UGP2: variants seen among roughly 807,000 people sequenced by gnomAD.
UGP2 encodes UDP-glucose pyrophosphorylase 2.
A neutral mutation model predicts 49.0 loss-of-function variants in UGP2; 40 were observed. That is an observed-to-expected ratio of 0.82 (90% CI 0.63 to 1.06). UGP2 has a LOEUF of 1.06. Ranked by LOEUF, UGP2 falls within the 50% of genes least tolerant of loss-of-function variation. The pLI, the probability that UGP2 is intolerant of heterozygous loss-of-function variation, is 0.00. For synonymous variants in UGP2, 225 were observed against 213.0 expected (o/e 1.06, Z -0.49); for missense variants, 460 against 603.5 (o/e 0.76, Z 2.49).
intron 3 of UGP2, among the ~76,000 whole-genome samples, chr2:63,881,772 C>T (rs1044570309): frequency 6.6e-6 from 1 of 152,206 alleles, no homozygotes; most frequent in East Asian, 1.9e-4. Flanking sequence ...TCTTCAGCCC[C>T]ACCTCTTGCC....
intron 3 of UGP2, among the ~76,000 whole-genome samples, chr2:63,868,843 ATG>A (rs1317959347): frequency 2.6e-5 from 4 of 151,870 alleles, no homozygotes; most frequent in African/African-American, 9.7e-5. Context: ...GCGTGGTGGC[ATG>A]TACCTGTAAT....
intron 3 of UGP2, among the ~76,000 whole-genome samples, chr2:63,860,937 T>C (rs865906583): frequency 7.9e-5 from 12 of 152,060 alleles, no homozygotes; most frequent in Admixed American, 7.9e-4. Context: ...AAATTTTATA[T>C]TGTGAGGTTT....
chr2:63,848,777 G>C (rs1668841917), intron 1 of UGP2, among the ~76,000 whole-genome samples: 1 of 152,172 alleles, frequency 6.6e-6, no homozygotes, highest in African/African-American at 2.4e-5. Context: ...TGTGTTTTTT[G>C]ATTGGGTGAC....
intron 1 of UGP2, among the ~76,000 whole-genome samples, chr2:63,846,935 G>A (rs978358220): frequency 1.3e-5 from 2 of 152,116 alleles, no homozygotes; most frequent in South Asian, 4.1e-4. Context: ...GTTAAATTCA[G>A]TCACAGTTAT....
Position 63,891,353 on chromosome 2 carries a change from G to C in UGP2, c.*126G>C. ...CCCTGCAGTGTTGATTTTTAAAATA[G>C]AGTTTTCTGCAGTATGCTTTTAGTC... On this transcript the variant is annotated 3_prime_UTR_variant, in exon 10 of 10. Transcript: ENST00000337130. The C allele has an allele frequency of 3.0e-6, 2 of 659,534 alleles. No homozygotes were observed. Among genetic ancestry groups the C allele is most frequent in the Non-Finnish European group, 4.8e-6 (2 of 419,130 alleles). 40.9% of individuals were successfully genotyped at this position (659,534 alleles called of 1,614,324 possible). A position where few individuals can be genotyped will look rare whatever the true frequency, so the allele number is the denominator to read the frequency against.
chr2:63,857,704 C>A, intron 2 of UGP2, 125 bp from the exon 3 acceptor site: 1 of 1,018,686 alleles, frequency 9.8e-7, no homozygotes, highest in Non-Finnish European at 1.5e-6. Flanking sequence ...CTTGCTCCCT[C>A]CATGTCCTAA....
At chr2:63,889,703 C>G (rs1671948851) in intron 8 of UGP2, 1 of 161,086 alleles carries the variant, frequency 6.2e-6, no homozygotes, top group Non-Finnish European at 1.3e-5. Context: ...AGAATCCGAC[C>G]TATCCACTAA....
intron 3 of UGP2, 173 bp downstream of exon 3, chr2:63,858,109 TC>T: frequency 1.7e-6 from 1 of 601,252 alleles, no homozygotes; most frequent in Non-Finnish European, 2.9e-6. Flanking sequence ...TCAGCTCCTT[TC>T]CCTTCTTTTA....
chr2:63,884,992 A>C (rs1385740091), intron 5 of UGP2, among the ~76,000 whole-genome samples: 6 of 28,770 alleles, frequency 2.1e-4, no homozygotes, highest in African/African-American at 5.4e-4. Flanking sequence ...TCCCATGGTT[A>C]CTTTTTTTTT....
At chr2:63,876,828 C>T (rs974176904) in intron 3 of UGP2, among the ~76,000 whole-genome samples, 4 of 152,106 alleles carry the variant, frequency 2.6e-5, no homozygotes, top group African/African-American at 9.7e-5. Flanking sequence ...TAATGTTGTC[C>T]GTGGATCAGC....
rs138609721 is a variant in UGP2, at chr2:63,856,591, G to A, written c.147+158G>A. ...AAATTAGAATTGCTTAACAATTACC[G>A]GCTTTTAACATTTGCCCTTTGTAAA... is the stretch of plus-strand genomic sequence containing the variant. On this transcript the variant is annotated intron_variant, in intron 2 of 9. Coordinates refer to ENST00000337130, the MANE Select transcript of UGP2 (RefSeq NM_006759.4). 2.4e-3 allele frequency among the ~76,000 whole-genome samples: 357 copies of A among 151,908 alleles called. 2 individuals carry two copies. The highest frequency in any genetic ancestry group is 0.02 in the Middle Eastern group (6 of 294).
chr2:63,879,238 T>C (rs1671131552), intron 3 of UGP2, among the ~76,000 whole-genome samples: 1 of 152,218 alleles, frequency 6.6e-6, no homozygotes, highest in East Asian at 1.9e-4. Context: ...AAGGGAATAT[T>C]TTCCTAAAGA....
intron 1 of UGP2, among the ~76,000 whole-genome samples, chr2:63,851,244 C>T (rs530566961): frequency 1.3e-5 from 2 of 152,280 alleles, no homozygotes; most frequent in East Asian, 3.9e-4. Flanking sequence ...TATTAGGCAC[C>T]TGTACTGTGC....
At chr2:63,886,276 T>C (rs1671665571) in intron 6 of UGP2, 65 bp from the exon 7 acceptor site, 1 of 1,464,422 alleles carries the variant, frequency 6.8e-7, no homozygotes, top group African/African-American at 1.4e-5. Context: ...ATCACTATCT[T>C]TGTATTTACA....
intron 1 of UGP2, among the ~76,000 whole-genome samples, chr2:63,848,170 G>C (rs1178577666): frequency 6.6e-6 from 1 of 152,096 alleles, no homozygotes; most frequent in African/African-American, 2.4e-5. Context: ...CTTTTTGGTT[G>C]GATAGAATCT....
intron 3 of UGP2, among the ~76,000 whole-genome samples, chr2:63,859,816 T>C (rs1257059190): frequency 6.6e-6 from 1 of 152,236 alleles, no homozygotes; most frequent in East Asian, 1.9e-4. Flanking sequence ...GTATTTGCAA[T>C]CCCATATGCC....
At chr2:63,853,141 G>C (rs186577791) in intron 1 of UGP2, among the ~76,000 whole-genome samples, 1 of 152,206 alleles carries the variant, frequency 6.6e-6, no homozygotes, top group Admixed American at 6.5e-5. Flanking sequence ...TAGGGAAACT[G>C]AGGTGTGGTC....
At chr2:63,872,996 C>T (rs562340404) in intron 3 of UGP2, among the ~76,000 whole-genome samples, 5 of 152,204 alleles carry the variant, frequency 3.3e-5, no homozygotes, top group East Asian at 1.9e-4. Flanking sequence ...CTTCTGCATC[C>T]GTGAGCCTTA....
chr2:63,884,220 C>A, intron 5 of UGP2, 127 bp downstream of exon 5: 1 of 1,114,062 alleles, frequency 9.0e-7, no homozygotes, highest in Non-Finnish European at 1.3e-6. Flanking sequence ...TGTTTGATGC[C>A]CATAAAAGCT....
Sources: gnomAD v4.1 joint callset for allele counts (sites outside exome capture counted in the v4.1 genomes callset) on GRCh38, gnomAD v4.1.1 for gene constraint, MANE v1.5 for transcripts, NCBI Gene and HGNC (gene_info 2026-07-23, HGNC 2026-07-21) for gene names.